The following RARB variants were observed in gnomAD, a reference collection of about 807,000 sequenced individuals.
RARB encodes the protein retinoic acid receptor beta.
In RARB, 17 loss-of-function variants were observed where a neutral mutation model predicts 51.9. The observed-to-expected ratio is 0.33, with a 90% CI of 0.22 to 0.49. The LOEUF (loss-of-function observed/expected upper bound fraction) is 0.49. Among genes scored for constraint, RARB ranks in the 20% least tolerant of loss-of-function variants. The probability of loss-of-function intolerance (pLI) is 0.99; values close to 1 mark genes in which losing one functional copy is unlikely to be tolerated. For missense variants in RARB, 369 were observed against 550.8 expected, an observed-to-expected ratio of 0.67 and a Z score of 3.30; for synonymous variants, 215 against 195.4, an observed-to-expected ratio of 1.10 and a Z score of -0.84.
intron 1 of RARB, among the ~76,000 whole-genome samples, chr3:25,446,498 C>T (rs1410092728): frequency 6.6e-6 from 1 of 152,188 alleles, no homozygotes; most frequent in East Asian, 1.9e-4. Context: ...ATTTGCAGAC[C>T]CTGCCTTAAA....
intron 5 of RARB, among the ~76,000 whole-genome samples, chr3:25,308,663 G>T (rs1439437552): frequency 6.6e-6 from 1 of 152,064 alleles, no homozygotes; most frequent in South Asian, 2.1e-4. Flanking sequence ...GGCCAAGCTG[G>T]TCTCAAACTC....
At chr3:24,997,633 C>T (rs1472301307) in intron 2 of RARB, among the ~76,000 whole-genome samples, 2 of 152,084 alleles carry the variant, frequency 1.3e-5, no homozygotes, top group African/African-American at 4.8e-5. Context: ...GATCCACTTG[C>T]CTTGGCCTCC....
intron 4 of RARB, among the ~76,000 whole-genome samples, chr3:25,580,062 A>C (rs1226211429): frequency 1.3e-5 from 2 of 152,264 alleles, no homozygotes; most frequent in Non-Finnish European, 2.9e-5. Flanking sequence ...GTACAGGCAT[A>C]AGATTTTAAG....
At chr3:25,332,721 A>G (rs758085880) in intron 5 of RARB, among the ~76,000 whole-genome samples, 3 of 152,220 alleles carry the variant, frequency 2.0e-5, no homozygotes, top group Non-Finnish European at 4.4e-5. Context: ...AATTAGGAAA[A>G]GAGGAAGTCA....
intron 2 of RARB, among the ~76,000 whole-genome samples, chr3:24,876,326 A>C (rs1366808469): frequency 2.0e-5 from 3 of 152,124 alleles, no homozygotes; most frequent in Non-Finnish European, 4.4e-5. Flanking sequence ...TCACTGAAGT[A>C]TTTGCTTAAT....
chr3:25,204,705 G>T (rs554995957), intron 5 of RARB, among the ~76,000 whole-genome samples: 2 of 152,294 alleles, frequency 1.3e-5, no homozygotes, highest in African/African-American at 2.4e-5. Flanking sequence ...GACCCTGTTT[G>T]CCTGGGTATC....
At chr3:25,015,528 G>A (rs1697490536) in intron 2 of RARB, among the ~76,000 whole-genome samples, 1 of 152,106 alleles carries the variant, frequency 6.6e-6, no homozygotes, top group Non-Finnish European at 1.5e-5. Context: ...GGCATAATGG[G>A]AAACTTCTTG....
intron 3 of RARB, among the ~76,000 whole-genome samples, chr3:25,080,782 T>C (rs978619649): frequency 1.3e-5 from 2 of 152,224 alleles, no homozygotes; most frequent in African/African-American, 4.8e-5. Context: ...GTTATAGGAA[T>C]TCTTTATTCT....
intron 4 of RARB, among the ~76,000 whole-genome samples, chr3:25,165,037 GAGTT>G (rs1244588442): frequency 6.6e-6 from 1 of 152,116 alleles, no homozygotes; most frequent in Non-Finnish European, 1.5e-5. Flanking sequence ...GTTAAGTACT[GAGTT>G]AGTATGGTCC....
At chr3:24,951,176 G>T (rs1695883718) in intron 2 of RARB, among the ~76,000 whole-genome samples, 1 of 152,152 alleles carries the variant, frequency 6.6e-6, no homozygotes, top group Non-Finnish European at 1.5e-5. Flanking sequence ...TACCACTCAA[G>T]GAGGGGTGGT....
chr3:24,896,069 G>A lies in RARB; in HGVS notation c.-380+37317G>A, dbSNP rs572608330. On this transcript the variant is annotated intron_variant, in intron 2 of 11. Coordinates refer to the RARB transcript ENST00000383772. ...TTCCGTTACATGATGCAACGTGTAT[G>A]AGCCTTGATGACATTATACTAAGTA... Among the ~76,000 whole-genome samples, 6 of 152,312 alleles carry A rather than the reference G, an allele frequency of 3.9e-5. No homozygotes were observed. In the South Asian group the frequency reaches 8.3e-4, roughly 21 times the overall value.
intron 2 of RARB, among the ~76,000 whole-genome samples, chr3:25,019,231 A>AAATGCCCT (rs1221150335): frequency 6.6e-6 from 1 of 152,216 alleles, no homozygotes; most frequent in Non-Finnish European, 1.5e-5. Context: ...TTATTTTTAA[A>AAATGCCCT]AATGCCCTAA....
chr3:25,392,648 T>C (rs1039944117), intron 5 of RARB, among the ~76,000 whole-genome samples: 39 of 151,756 alleles, frequency 2.6e-4, no homozygotes, highest in Non-Finnish European at 1.9e-4. Context: ...TTTTTCACAG[T>C]TGCTGTAAAA....
At chr3:24,970,062 C>CT (rs1415335300) in intron 2 of RARB, among the ~76,000 whole-genome samples, 3 of 151,976 alleles carry the variant, frequency 2.0e-5, no homozygotes, top group African/African-American at 7.2e-5. Flanking sequence ...GCTGTGTGGG[C>CT]TATAAGGTCT....
At chr3:25,192,237 C>G (rs1269679591) in intron 5 of RARB, among the ~76,000 whole-genome samples, 2 of 152,080 alleles carry the variant, frequency 1.3e-5, no homozygotes, top group African/African-American at 4.8e-5. Flanking sequence ...ATACATAAGA[C>G]TGAAGCATAG....
chr3:25,186,444 T>G (rs908431418), intron 5 of RARB, among the ~76,000 whole-genome samples: 1 of 152,152 alleles, frequency 6.6e-6, no homozygotes, highest in Admixed American at 6.6e-5. Flanking sequence ...TTTACCTCTA[T>G]GTATTATTCT....
intron 2 of RARB, among the ~76,000 whole-genome samples, chr3:24,970,741 A>G (rs1428186631): frequency 5.3e-5 from 8 of 152,002 alleles, no homozygotes; most frequent in Non-Finnish European, 8.8e-5. Flanking sequence ...CTCATTCTTC[A>G]TGAATACTTT....
chr3:24,960,587 A>G (rs6792021), intron 2 of RARB, among the ~76,000 whole-genome samples: 85,595 of 152,000 alleles, frequency 0.56, 25,267 homozygotes, highest in African/African-American at 0.72. Flanking sequence ...GAAAATTGTG[A>G]ACACCTTCCA....
intron 3 of RARB, among the ~76,000 whole-genome samples, chr3:25,132,037 C>G (rs559075429): frequency 1.3e-5 from 2 of 151,932 alleles, no homozygotes; most frequent in South Asian, 2.1e-4. Flanking sequence ...GAGTCAAGTA[C>G]TTGTCTGCTA....
Sources: gnomAD v4.1 joint callset for allele counts (sites outside exome capture counted in the v4.1 genomes callset) on GRCh38, gnomAD v4.1.1 for gene constraint, MANE v1.5 for transcripts, NCBI Gene and HGNC (gene_info 2026-07-23, HGNC 2026-07-21) for gene names.